Variants in CDH20 observed in about 807,000 individuals in gnomAD.
The protein encoded by CDH20 is cadherin 20.
A neutral mutation model predicts 74.2 loss-of-function variants in CDH20; 29 were observed. The ratio of observed to expected loss-of-function variants is 0.39; its 90% CI spans 0.29 to 0.53. CDH20 has a LOEUF of 0.53. CDH20 is among the 20% of genes least tolerant of loss of function. The pLI, the probability that CDH20 is intolerant of heterozygous loss-of-function variation, is 0.69. For missense variants in CDH20, 988 were observed against 1,048.3 expected, an observed-to-expected ratio of 0.94 and a Z score of 0.79; for synonymous variants, 469 against 405.4, an observed-to-expected ratio of 1.16 and a Z score of -1.88.
At chr18:61,538,986 TA>T in intron 8 of CDH20, 37 bp from the exon 9 acceptor site, 1 of 1,605,058 alleles carries the variant, frequency 6.2e-7, no homozygotes. Context: ...TTGGCATTAC[TA>T]AACTCTCAGA....
intron 1 of CDH20, among the ~76,000 whole-genome samples, chr18:61,473,140 G>A (rs1403523667): frequency 6.6e-6 from 1 of 152,198 alleles, no homozygotes; most frequent in Non-Finnish European, 1.5e-5. Flanking sequence ...GATGTAATAT[G>A]GCATCAGCCA....
intron 1 of CDH20, among the ~76,000 whole-genome samples, chr18:61,362,433 A>G (rs1379303433): frequency 2.6e-5 from 4 of 152,142 alleles, no homozygotes; most frequent in Admixed American, 6.5e-5. Context: ...TTCAACACAT[A>G]TTTATTGAAG....
At chr18:61,434,184 A>T (rs1038925455) in intron 1 of CDH20, among the ~76,000 whole-genome samples, 22 of 152,282 alleles carry the variant, frequency 1.4e-4, no homozygotes, top group African/African-American at 4.8e-4. Flanking sequence ...AATCAGTGAA[A>T]GGAGGCCTCA....
chr18:61,386,289 A>G (rs1299827691), intron 1 of CDH20, among the ~76,000 whole-genome samples: 1 of 152,166 alleles, frequency 6.6e-6, no homozygotes, highest in African/African-American at 2.4e-5. Flanking sequence ...TGACTTAGCC[A>G]TTGATTAGGC....
chr18:61,553,263 GA>G (rs3834618), intron 11 of CDH20, among the ~76,000 whole-genome samples: 2,055 of 145,296 alleles, frequency 0.014, 28 homozygotes, highest in South Asian at 0.03. Flanking sequence ...AAGCACACCA[GA>G]AAAAAAAAAA....
At chr18:61,421,952 G>A (rs1182305534) in intron 1 of CDH20, among the ~76,000 whole-genome samples, 3 of 151,938 alleles carry the variant, frequency 2.0e-5, no homozygotes, top group Non-Finnish European at 4.4e-5. Flanking sequence ...TTTCAATAAC[G>A]CTCATATCAT....
intron 1 of CDH20, among the ~76,000 whole-genome samples, chr18:61,343,671 GA>G (rs1910025849): frequency 6.6e-6 from 1 of 152,176 alleles, no homozygotes; most frequent in South Asian, 2.1e-4. Flanking sequence ...CCTTCCACAT[GA>G]GAAATGTTTG....
intron 1 of CDH20, among the ~76,000 whole-genome samples, chr18:61,449,519 T>G (rs967705712): frequency 2.6e-5 from 4 of 152,116 alleles, no homozygotes; most frequent in African/African-American, 9.7e-5. Flanking sequence ...CCGATAGCCA[T>G]GTACACAGAA....
At chr18:61,334,761 TGA>T (rs1419785185) in intron 1 of CDH20, among the ~76,000 whole-genome samples, 1 of 152,042 alleles carries the variant, frequency 6.6e-6, no homozygotes, top group Non-Finnish European at 1.5e-5. Context: ...AGGCTGGAAG[TGA>T]GAGGGGATAG....
chr18:61,499,871 G>A (rs768555577), intron 3 of CDH20, among the ~76,000 whole-genome samples: 6 of 152,120 alleles, frequency 3.9e-5, no homozygotes, highest in Middle Eastern at 6.8e-3. Flanking sequence ...GAGGCAGGTG[G>A]ATCACAAGGT....
At chr18:61,468,580 C>A (rs1376680568) in intron 1 of CDH20, among the ~76,000 whole-genome samples, 1 of 152,112 alleles carries the variant, frequency 6.6e-6, no homozygotes, top group Non-Finnish European at 1.5e-5. Flanking sequence ...CTTTTTCCCC[C>A]CTACTTGCTC....
At chr18:61,335,310 C>A (rs944696378) in intron 1 of CDH20, among the ~76,000 whole-genome samples, 1 of 152,190 alleles carries the variant, frequency 6.6e-6, no homozygotes, top group Admixed American at 6.5e-5. Flanking sequence ...CGTAAGGGCA[C>A]CTGTGGTTGC....
intron 1 of CDH20, among the ~76,000 whole-genome samples, chr18:61,445,343 G>T (rs1381459759): frequency 6.6e-6 from 1 of 152,140 alleles, no homozygotes; most frequent in East Asian, 1.9e-4. Context: ...TCTATAACCT[G>T]CCCTAAGCCA....
intron 1 of CDH20, among the ~76,000 whole-genome samples, chr18:61,360,910 G>A (rs1382603698): frequency 6.6e-6 from 1 of 152,192 alleles, no homozygotes; most frequent in Non-Finnish European, 1.5e-5. Flanking sequence ...TCAGTTCGCA[G>A]ACATCATGTT....
intron 1 of CDH20, among the ~76,000 whole-genome samples, chr18:61,481,271 G>A (rs3862711): frequency 0.93 from 141,396 of 152,292 alleles, 65,688 homozygotes; most frequent in East Asian, 1. Context: ...GATAAAAAGG[G>A]AAACATGTAG....
intron 6 of CDH20, among the ~76,000 whole-genome samples, chr18:61,512,574 G>T (rs1911822843): frequency 1.3e-5 from 2 of 152,150 alleles, no homozygotes; most frequent in Admixed American, 6.5e-5. Context: ...TTTCACCAAT[G>T]TTAGATTCAC....
At chr18:61,515,129 C>T (rs1032231915) in intron 6 of CDH20, among the ~76,000 whole-genome samples, 2 of 152,166 alleles carry the variant, frequency 1.3e-5, no homozygotes, top group African/African-American at 2.4e-5. Flanking sequence ...TGATCTCAGA[C>T]TGTTGTGCTA....
chr18:61,349,372 A>C (rs1440700826), intron 1 of CDH20, among the ~76,000 whole-genome samples: 2 of 152,228 alleles, frequency 1.3e-5, no homozygotes, highest in African/African-American at 4.8e-5. Context: ...CTGAACCCAG[A>C]GGACTCCTTC....
At chr18:61,454,899 T>C (rs1335476868) in intron 1 of CDH20, among the ~76,000 whole-genome samples, 1 of 152,174 alleles carries the variant, frequency 6.6e-6, no homozygotes, top group African/African-American at 2.4e-5. Flanking sequence ...ATTTGCATGG[T>C]GCCTTGGAAA....
Sources: gnomAD v4.1 joint callset for allele counts (sites outside exome capture counted in the v4.1 genomes callset) on GRCh38, gnomAD v4.1.1 for gene constraint, MANE v1.5 for transcripts, NCBI Gene and HGNC (gene_info 2026-07-23, HGNC 2026-07-21) for gene names.